Variants in ABHD2 observed in about 807,000 individuals in gnomAD.
ABHD2 encodes monoacylglycerol lipase ABHD2.
ABHD2 carries 20 observed loss-of-function variants against 48.1 expected under a neutral mutation model. That is an observed-to-expected ratio of 0.42 (90% CI 0.29 to 0.60). ABHD2 has a LOEUF of 0.60. Among genes scored for constraint, ABHD2 ranks in the 20% least tolerant of loss-of-function variants. The pLI is 0.24. For missense variants in ABHD2, 405 were observed against 550.9 expected, an observed-to-expected ratio of 0.74 and a Z score of 2.65; for synonymous variants, 209 against 214.2, an observed-to-expected ratio of 0.98 and a Z score of 0.21.
chr15:89,096,378 T>C (rs1399279197), intron 1 of ABHD2, among the ~76,000 whole-genome samples: 1 of 152,228 alleles, frequency 6.6e-6, no homozygotes, highest in African/African-American at 2.4e-5. Context: ...TAAGAAATAA[T>C]ATAATAAATA....
intron 3 of ABHD2, among the ~76,000 whole-genome samples, chr15:89,133,923 G>A (rs549490103): frequency 2.2e-3 from 321 of 144,654 alleles, no homozygotes; most frequent in Non-Finnish European, 3.9e-3. Context: ...TGCAAGCTCC[G>A]CCTCCTGGGT....
At position 89,168,717 on chromosome 15, in the gene ABHD2, T is replaced by C. The variant is rs1021750538; in HGVS notation, c.539-7095T>C. 6.6e-6 allele frequency among the ~76,000 whole-genome samples: 1 copy of C among 152,246 alleles called. No homozygotes were observed. The highest frequency in any genetic ancestry group is 1.5e-5 in the Non-Finnish European group (1 of 68,038). ...GTTTTGTAACTGTCCCAATGACATCTGAACATCTGCTCTAGGTCTCAAATA... is the reference window on the plus strand; with the variant it reads ...GTTTTGTAACTGTCCCAATGACATCCGAACATCTGCTCTAGGTCTCAAATA... On this transcript the variant is annotated intron_variant, in intron 5 of 10. Transcript: ENST00000352732. This position sits in a 1 kb window ranked among gnomAD's most constrained non-coding sequence, Gnocchi z 4.8.
intron 1 of ABHD2, among the ~76,000 whole-genome samples, chr15:89,109,326 A>G (rs2150801704): frequency 6.6e-6 from 1 of 152,318 alleles, no homozygotes. Context: ...AATGCGGACT[A>G]TAAATGGAAT....
At position 89,182,903 on chromosome 15, in the gene ABHD2, T is replaced by C. The variant is rs1235295507; in HGVS notation, c.723-2521T>C. 2.0e-5 allele frequency among the ~76,000 whole-genome samples: 3 copies of C among 152,186 alleles called. No homozygotes were observed. The highest frequency in any genetic ancestry group is 4.4e-5 in the Non-Finnish European group (3 of 68,016). On this transcript the variant is annotated intron_variant, in intron 6 of 10. Coordinates refer to ENST00000352732, the MANE Select transcript of ABHD2 (RefSeq NM_152924.5). This position sits in a 1 kb window ranked among gnomAD's most constrained non-coding sequence, Gnocchi z 4.8. Reference sequence around the variant, plus strand: ...CCCATTTTGTGATTTGCATCTAAAATTGAACCCCAGTGTAGCCACTACCAG... The same window carrying C: ...CCCATTTTGTGATTTGCATCTAAAACTGAACCCCAGTGTAGCCACTACCAG...
At chr15:89,061,284 G>GAC in the ABHD2 span, among the ~76,000 whole-genome samples, 1 of 148,116 alleles carries the variant, frequency 6.8e-6, no homozygotes, top group African/African-American at 2.4e-5. Flanking sequence ...CAGGCGTGGT[G>GAC]GCATGTGCCT....
intron 3 of ABHD2, among the ~76,000 whole-genome samples, chr15:89,117,719 A>C (rs972959212): frequency 2.0e-5 from 3 of 152,150 alleles, no homozygotes; most frequent in African/African-American, 7.2e-5. Flanking sequence ...TCCTGATAGC[A>C]CCTCTCATCA....
At chr15:89,110,314 G>C (rs2049853352) in intron 1 of ABHD2, among the ~76,000 whole-genome samples, 1 of 152,142 alleles carries the variant, frequency 6.6e-6, no homozygotes, top group South Asian at 2.1e-4. Context: ...CGCCCGCCTC[G>C]GCCTGCAAAG....
the ABHD2 span, among the ~76,000 whole-genome samples, chr15:89,045,971 T>G: frequency 2.0e-5 from 3 of 152,236 alleles, no homozygotes; most frequent in East Asian, 5.8e-4. Context: ...CCCTGTCTTG[T>G]GCCAGTTTTC....
chr15:89,140,146 C>CGG (rs1159119518), intron 3 of ABHD2, among the ~76,000 whole-genome samples: 125 of 152,312 alleles, frequency 8.2e-4, no homozygotes, highest in African/African-American at 2.9e-3. Context: ...GCTGAGCAGC[C>CGG]TGTGTTAGGA....
upstream of ABHD2, among the ~76,000 whole-genome samples, chr15:89,086,097 A>G (rs293354): frequency 0.41 from 61,779 of 151,918 alleles, 12,975 homozygotes; most frequent in Non-Finnish European, 0.47. Flanking sequence ...CAGTGGTGCA[A>G]TCTCACTGCA....
intron 3 of ABHD2, among the ~76,000 whole-genome samples, chr15:89,141,760 G>T (rs1244468870): frequency 2.0e-5 from 3 of 152,210 alleles, no homozygotes; most frequent in Non-Finnish European, 2.9e-5. Context: ...TTTAGTGCCA[G>T]CTTCTGGCTT....
intron 1 of ABHD2, among the ~76,000 whole-genome samples, chr15:89,096,078 C>T (rs1239579510): frequency 6.6e-6 from 1 of 152,174 alleles, no homozygotes; most frequent in Non-Finnish European, 1.5e-5. Context: ...TAGCAGTGGT[C>T]CCAGCGAGAA....
chr15:89,128,814 C>A lies in ABHD2; in HGVS notation c.194+12293C>A, dbSNP rs576071575. Among the ~76,000 whole-genome samples the A allele has an allele frequency of 1.4e-4, 21 of 152,124 alleles. 3 individuals carry two copies. The South Asian group carries it at 4.4e-3, about 32-fold the overall frequency. On this transcript the variant is annotated intron_variant, in intron 3 of 10. Transcript: ENST00000352732. Reference sequence around the variant, plus strand: ...GGGGGGGAGGAAGAGGAGATCAGATCACGAGGAGTCTCTAATTCCCAGAGA... The same window carrying A: ...GGGGGGGAGGAAGAGGAGATCAGATAACGAGGAGTCTCTAATTCCCAGAGA...
At chr15:89,045,078 TG>T in the ABHD2 span, among the ~76,000 whole-genome samples, 1 of 152,240 alleles carries the variant, frequency 6.6e-6, no homozygotes, top group South Asian at 2.1e-4. Flanking sequence ...AATTGATTTT[TG>T]TATAAGGTGT....
At chr15:89,190,586 T>C (rs2051287212) in intron 8 of ABHD2, among the ~76,000 whole-genome samples, 1 of 152,236 alleles carries the variant, frequency 6.6e-6, no homozygotes, top group Admixed American at 6.5e-5. Context: ...GACATCTGGT[T>C]TTATACTGCC....
At chr15:89,148,427 G>A (rs2050533920) in intron 3 of ABHD2, among the ~76,000 whole-genome samples, 1 of 152,156 alleles carries the variant, frequency 6.6e-6, no homozygotes, top group South Asian at 2.1e-4. Context: ...AAAGTGGCCA[G>A]AATGTAAAAG....
intron 1 of ABHD2, among the ~76,000 whole-genome samples, chr15:89,101,241 G>A (rs1180613388): frequency 6.6e-6 from 1 of 152,220 alleles, no homozygotes; most frequent in Non-Finnish European, 1.5e-5. Flanking sequence ...AGACAAATGG[G>A]GAAAGTGTGA....
chr15:89,127,704 TAC>T (rs1567079969), intron 3 of ABHD2, among the ~76,000 whole-genome samples: 3 of 93,036 alleles, frequency 3.2e-5, no homozygotes, highest in African/African-American at 1.9e-4. Context: ...TATATATATA[TAC>T]ATATATATAT....
the ABHD2 span, among the ~76,000 whole-genome samples, chr15:89,067,252 G>A: frequency 3.9e-5 from 6 of 152,358 alleles, no homozygotes; most frequent in Non-Finnish European, 5.9e-5. Flanking sequence ...AGGTGGTGAG[G>A]ATGTGGGGGT....
Sources: allele counts gnomAD v4.1 joint callset (sites outside exome capture counted in the v4.1 genomes callset), GRCh38; gene constraint gnomAD v4.1.1; non-coding constraint Gnocchi (gnomAD v3.1); transcripts MANE v1.5; gene names NCBI Gene and HGNC (gene_info 2026-07-23, HGNC 2026-07-21).